Variants in RNF212 observed in about 807,000 individuals in gnomAD.
The protein encoded by RNF212 is probable E3 SUMO-protein ligase RNF212.
A neutral mutation model predicts 34.7 loss-of-function variants in RNF212; 33 were observed. That is an observed-to-expected ratio of 0.95 (90% CI 0.72 to 1.27). The LOEUF (loss-of-function observed/expected upper bound fraction) is 1.27. RNF212 is among the 50% of genes most tolerant of loss of function. The probability of loss-of-function intolerance (pLI) is 0.00; values close to 1 mark genes in which losing one functional copy is unlikely to be tolerated. For synonymous variants in RNF212, 140 were observed against 136.1 expected (o/e 1.03, Z -0.20); for missense variants, 377 against 362.2 (o/e 1.04, Z -0.33).
intron 4 of RNF212, among the ~76,000 whole-genome samples, chr4:1,088,726 C>T (rs932022834): frequency 1.3e-5 from 2 of 152,240 alleles, no homozygotes; most frequent in South Asian, 2.1e-4. Flanking sequence ...GCCCAACTCT[C>T]GTGCAGCCTC....
intron 3 of RNF212, among the ~76,000 whole-genome samples, chr4:1,092,976 A>G (rs629260): frequency 0.81 from 123,455 of 151,938 alleles, 50,904 homozygotes; most frequent in African/African-American, 0.95. Context: ...ATGAGCTCCA[A>G]ACTACGCCAG....
downstream of RNF212, among the ~76,000 whole-genome samples, chr4:1,068,466 T>C (rs1457265866): frequency 6.6e-6 from 1 of 152,228 alleles, no homozygotes; most frequent in Admixed American, 6.5e-5. Context: ...AGTCTCATCT[T>C]CTGCTCTACT....
At chr4:1,090,526 G>A (rs377760395) in intron 4 of RNF212, among the ~76,000 whole-genome samples, 1 of 152,304 alleles carries the variant, frequency 6.6e-6, no homozygotes, top group African/African-American at 2.4e-5. Flanking sequence ...GGTGGCTGAG[G>A]GGATAAGTGT....
At chr4:1,106,191 T>C (rs1254667378) in intron 2 of RNF212, among the ~76,000 whole-genome samples, 1 of 152,080 alleles carries the variant, frequency 6.6e-6, no homozygotes, top group Non-Finnish European at 1.5e-5. Context: ...CCACACGGTC[T>C]GTGATGGTTT....
intron 8 of RNF212, among the ~76,000 whole-genome samples, chr4:1,077,423 G>C (rs1011744941): frequency 1.6e-4 from 24 of 152,104 alleles, no homozygotes; most frequent in African/African-American, 5.5e-4. Context: ...TTTAGAGACA[G>C]GGTCTCACTA....
At chr4:1,058,419 G>T in intron 3 of RNF212, 1 of 933,224 alleles carries the variant, frequency 1.1e-6, no homozygotes, top group Non-Finnish European at 1.3e-6. Context: ...AATAAAACAT[G>T]AGTCGTTCAT....
rs1207474267 is a variant in RNF212, at chr4:1,061,001, T to C, written n.148-2608A>G. On this transcript the variant is annotated intron_variant and non_coding_transcript_variant, in intron 3 of 4. Coordinates refer to the RNF212 transcript ENST00000503206. ...CCAAGTGCGAAACTGGACAAAATGG[T>C]AGAAACAACCATTCAGGCCTCTGGA... Among the ~76,000 whole-genome samples the C allele has an allele frequency of 2.6e-5, 4 of 152,124 alleles. No individual in the cohort carries two copies. The East Asian group carries it at 5.8e-4, about 22-fold the overall frequency.
At chr4:1,066,045 T>A (rs1185531093) in intron 3 of RNF212, among the ~76,000 whole-genome samples, 1 of 54,372 alleles carries the variant, frequency 1.8e-5, no homozygotes, top group African/African-American at 1.6e-4. Flanking sequence ...ATAGTAGCCA[T>A]CCTAATGGCT....
At chr4:1,094,075 G>A in intron 3 of RNF212, 1 of 1,361,620 alleles carries the variant, frequency 7.3e-7, no homozygotes, top group South Asian at 1.5e-5. Context: ...CAGTCTTGGG[G>A]ACCTGGCTGA....
chr4:1,059,613 C>T (rs1389446330), intron 3 of RNF212, among the ~76,000 whole-genome samples: 1 of 152,266 alleles, frequency 6.6e-6, no homozygotes, highest in African/African-American at 2.4e-5. Flanking sequence ...TCTCCCCTCA[C>T]TCCCTCCCTG....
At chr4:1,081,344 G>A in intron 7 of RNF212, 75 bp downstream of exon 7, 1 of 1,247,420 alleles carries the variant, frequency 8.0e-7, no homozygotes, top group Non-Finnish European at 1.2e-6. Flanking sequence ...AGAGGGGGTG[G>A]GGTTGGGATG....
intron 3 of RNF212, chr4:1,093,665 C>T: frequency 1.3e-6 from 2 of 1,535,954 alleles, no homozygotes; most frequent in Non-Finnish European, 1.7e-6. Flanking sequence ...CAGCACTTGG[C>T]AAAACCACCC....
intron 4 of RNF212, among the ~76,000 whole-genome samples, chr4:1,057,904 A>G (rs1038274934): frequency 2.6e-5 from 4 of 152,156 alleles, no homozygotes; most frequent in Non-Finnish European, 5.9e-5. Context: ...TCTACTAAAA[A>G]TACAAAATTA....
chr4:1,071,112 A>G (rs1718452430), downstream of RNF212, among the ~76,000 whole-genome samples: 1 of 151,754 alleles, frequency 6.6e-6, no homozygotes, highest in African/African-American at 2.4e-5. Flanking sequence ...TTAAAAAACT[A>G]ATTTGTTTTT....
At chr4:1,078,944 CA>C (rs2153041155) in intron 8 of RNF212, among the ~76,000 whole-genome samples, 2 of 151,182 alleles carry the variant, frequency 1.3e-5, no homozygotes, top group East Asian at 1.9e-4. Context: ...AGGGTCAACA[CA>C]GGACCAACAC....
intron 3 of RNF212, among the ~76,000 whole-genome samples, chr4:1,091,748 T>C (rs1207690785): frequency 6.6e-6 from 1 of 152,240 alleles, no homozygotes; most frequent in Non-Finnish European, 1.5e-5. Context: ...AGGATGGGGC[T>C]GCACAGGGGC....
At position 1,092,725 on chromosome 4, in the gene RNF212, G is replaced by C. The variant is rs139028047; in HGVS notation, c.247-1887C>G. Among the ~76,000 whole-genome samples the C allele has an allele frequency of 1.8e-3, 274 of 152,366 alleles. 7 individuals are homozygous for C. In the South Asian group the frequency reaches 0.049, roughly 27 times the overall value. ...TGGTCACAGAGGCTGCGCTGGGCCA[G>C]GTCAGCCCAGGGCCCCAAGGAAGAG... is the stretch of plus-strand genomic sequence containing the variant. On this transcript the variant is annotated intron_variant, in intron 3 of 9. Transcript: ENST00000433731.
At chr4:1,077,396 CTTTCTTT>C (rs948251568) in intron 8 of RNF212, among the ~76,000 whole-genome samples, 8 of 152,234 alleles carry the variant, frequency 5.3e-5, no homozygotes, top group African/African-American at 1.7e-4. Flanking sequence ...CCAGTCTTTT[CTTTCTTT>C]TTTCTTTTTT....
At chr4:1,108,435 AGACT>A in intron 1 of RNF212, 31 bp from the exon 2 acceptor site, 3 of 1,168,794 alleles carry the variant, frequency 2.6e-6, no homozygotes, top group Middle Eastern at 2.2e-4. Flanking sequence ...TTATTATATT[AGACT>A]GACTACTACT....
Sources: allele counts gnomAD v4.1 joint callset (sites outside exome capture counted in the v4.1 genomes callset), GRCh38; gene constraint gnomAD v4.1.1; transcripts MANE v1.5; gene names NCBI Gene and HGNC (gene_info 2026-07-23, HGNC 2026-07-21).